The following PPM1H variants were observed in gnomAD, a reference collection of about 807,000 sequenced individuals.
PPM1H encodes the protein protein phosphatase 1H.
In PPM1H, 27 loss-of-function variants were observed where a neutral mutation model predicts 54.9. The observed-to-expected ratio is 0.49, with a 90% CI of 0.36 to 0.68. The LOEUF (loss-of-function observed/expected upper bound fraction) is 0.68. Among genes scored for constraint, PPM1H ranks in the 30% least tolerant of loss-of-function variants. PPM1H has a pLI of 0.00. For synonymous variants in PPM1H, 305 were observed against 270.8 expected (o/e 1.13, Z -1.24); for missense variants, 596 against 667.8 (o/e 0.89, Z 1.19).
chr12:62,853,665 T>A (rs892060956), intron 1 of PPM1H, among the ~76,000 whole-genome samples: 14 of 152,254 alleles, frequency 9.2e-5, no homozygotes, highest in African/African-American at 3.4e-4. Flanking sequence ...GTAGGGAAAC[T>A]AGAGCTGGTT....
chr12:62,659,269 C>CAAAAAAA lies in PPM1H; in HGVS notation c.1397+7902_1397+7908dup, dbSNP rs11349692. The CAAAAAAA allele has an allele frequency of 7.3e-3, 665 of 91,522 alleles. 14 individuals are homozygous for CAAAAAAA. The highest frequency in any genetic ancestry group is 0.011 in the Non-Finnish European group (511 of 48,298). 5.7% of individuals were successfully genotyped at this position (91,522 alleles called of 1,614,324 possible). ...GTGTTCTAAAAAACCGTAAAAACTG[C>CAAAAAAA]AAAAAAAAAAAAAAAAAAAAAAGAG... On this transcript the variant is annotated intron_variant, in intron 9 of 9. Transcript: ENST00000228705.
At chr12:62,669,363 A>G (rs1313296102) in intron 8 of PPM1H, among the ~76,000 whole-genome samples, 2 of 152,216 alleles carry the variant, frequency 1.3e-5, no homozygotes, top group Non-Finnish European at 2.9e-5. Context: ...TGTGCACAGA[A>G]GTCAGCTAGG....
At chr12:62,739,329 C>T (rs2076368860) in intron 4 of PPM1H, among the ~76,000 whole-genome samples, 1 of 152,040 alleles carries the variant, frequency 6.6e-6, no homozygotes, top group Non-Finnish European at 1.5e-5. Flanking sequence ...GTTCTAATTA[C>T]CAGGTGAGTA....
intron 6 of PPM1H, among the ~76,000 whole-genome samples, chr12:62,719,106 G>A (rs2076250561): frequency 6.6e-6 from 1 of 152,176 alleles, no homozygotes; most frequent in Admixed American, 6.5e-5. Flanking sequence ...GGATACAGGT[G>A]AGAAACTTCT....
At chr12:62,752,333 T>C (rs2076446859) in intron 4 of PPM1H, among the ~76,000 whole-genome samples, 1 of 152,224 alleles carries the variant, frequency 6.6e-6, no homozygotes, top group Admixed American at 6.5e-5. Flanking sequence ...TGTCTACAAA[T>C]GGGATCTTAA....
rs1162966258 is a variant in PPM1H at position 62,804,666 on chromosome 12, C to CTTTTTT, written c.412-2512_412-2507dup. 1.4e-4 allele frequency among the ~76,000 whole-genome samples: 19 copies of CTTTTTT among 134,306 alleles called. 2 individuals carry two copies. Among genetic ancestry groups the CTTTTTT allele is most frequent in the African/African-American group, 5.0e-4 (17 of 34,086 alleles). The allele number at this position is 134,306 out of a possible 152,430, so 88.1% of individuals were successfully genotyped here. Reference sequence around the variant, plus strand: ...TTTAATGCTTCATTTTGGTTAATTTCTTTTTTTTTCTTTTTTTTTTTTTTT... The same window carrying CTTTTTT: ...TTTAATGCTTCATTTTGGTTAATTTCTTTTTTTTTTTTTTTCTTTTTTTTTTTTTTT... On this transcript the variant is annotated intron_variant, in intron 2 of 9. Transcript: ENST00000228705.
At chr12:62,659,335 C>A in intron 9 of PPM1H, 1 of 450,070 alleles carries the variant, frequency 2.2e-6, no homozygotes, top group East Asian at 4.4e-5. Flanking sequence ...TCCATAAAGC[C>A]GCCTTTTAAT....
rs1225528794 is a variant in PPM1H, at chr12:62,716,939, G to T, written c.1073+3232C>A. Among the ~76,000 whole-genome samples, 3 of 151,986 alleles carry T rather than the reference G, an allele frequency of 2.0e-5. No homozygotes were observed. In the East Asian group the frequency reaches 5.8e-4, roughly 29 times the overall value. On this transcript the variant is annotated intron_variant, in intron 6 of 9. Coordinates refer to ENST00000228705, the MANE Select transcript of PPM1H (RefSeq NM_020700.2). ...AAGTTGGGGGGAGTGCTTTACGTAGGCAGTAGTCTAAATTGAATGGATGAT... is the reference window on the plus strand; with the variant it reads ...AAGTTGGGGGGAGTGCTTTACGTAGTCAGTAGTCTAAATTGAATGGATGAT...
At chr12:62,741,767 T>C (rs2076382175) in intron 4 of PPM1H, among the ~76,000 whole-genome samples, 1 of 152,180 alleles carries the variant, frequency 6.6e-6, no homozygotes, top group Admixed American at 6.5e-5. Context: ...GAATCTCCAG[T>C]GCTCAGTGCC....
chr12:62,674,643 T>C (rs1474631416), intron 8 of PPM1H, among the ~76,000 whole-genome samples: 2 of 152,222 alleles, frequency 1.3e-5, no homozygotes. Context: ...ACCTCTGCAT[T>C]AGGCAAAATC....
rs34587900 is a variant in PPM1H at position 62,878,626 on chromosome 12, T to TAAAA, written c.246-46351_246-46348dup. 4.2e-3 allele frequency among the ~76,000 whole-genome samples: 342 copies of TAAAA among 81,570 alleles called. 55 individuals carry two copies. The highest frequency in any genetic ancestry group is 0.01 in the African/African-American group (199 of 19,738). 53.5% of individuals were successfully genotyped at this position (81,570 alleles called of 152,430 possible). The stretch of plus-strand genomic sequence containing the variant: ...TTTTGTTTGAAACAATGATTACGCT[T>TAAAA]AAAAAAAAAAAAAAAAAAAAAAAAA... On this transcript the variant is annotated intron_variant, in intron 1 of 9. Transcript: ENST00000228705.
chr12:62,886,068 T>C (rs565701211), intron 1 of PPM1H, among the ~76,000 whole-genome samples: 1 of 152,364 alleles, frequency 6.6e-6, no homozygotes, highest in South Asian at 2.1e-4. Flanking sequence ...GAAAGGCTAC[T>C]ATACATCTAC....
chr12:62,764,601 G>GT lies in PPM1H; in HGVS notation c.869+23624dup, dbSNP rs148142570. The stretch of plus-strand genomic sequence containing the variant: ...AAGACCTTTCTTCCTCTCCCATTTT[G>GT]TTTTTTTTTTCTTTCAGCGTTTACT... On this transcript the variant is annotated intron_variant, in intron 4 of 9. Transcript: ENST00000228705. 4.4e-3 allele frequency among the ~76,000 whole-genome samples: 651 copies of GT among 149,158 alleles called. 3 individuals carry two copies. The highest frequency in any genetic ancestry group is 0.017 in the Middle Eastern group (5 of 290).
chr12:62,685,850 T>C (rs1362533923), intron 8 of PPM1H, among the ~76,000 whole-genome samples: 1 of 152,220 alleles, frequency 6.6e-6, no homozygotes, highest in African/African-American at 2.4e-5. Context: ...AATGTAAACA[T>C]ATATCAAAAC....
intron 1 of PPM1H, among the ~76,000 whole-genome samples, chr12:62,858,100 C>T (rs972003961): frequency 6.6e-6 from 1 of 151,932 alleles, no homozygotes; most frequent in African/African-American, 2.4e-5. Context: ...CACCACGCCC[C>T]CTACCACTCC....
intron 2 of PPM1H, among the ~76,000 whole-genome samples, chr12:62,812,174 C>T (rs1022134283): frequency 1.1e-4 from 17 of 152,136 alleles, no homozygotes; most frequent in African/African-American, 4.1e-4. Flanking sequence ...TTGTTTATTG[C>T]TTACTAGTAA....
intron 5 of PPM1H, among the ~76,000 whole-genome samples, chr12:62,732,696 C>T (rs1028440834): frequency 1.3e-5 from 2 of 151,510 alleles, no homozygotes; most frequent in Non-Finnish European, 2.9e-5. Flanking sequence ...CTCAGCCTCC[C>T]GAGTAGCTGG....
chr12:62,648,427 C>A lies in PPM1H; in HGVS notation c.*62G>T. ...ACTCAGCTGGGGCACTTCCCAGTTC[C>A]GTCCTGCCAAGAGGCATCCCAGCTT... On this transcript the variant is annotated 3_prime_UTR_variant, in exon 10 of 10. Coordinates refer to ENST00000228705, the MANE Select transcript of PPM1H (RefSeq NM_020700.2). The A allele has an allele frequency of 6.3e-7, 1 of 1,585,628 alleles. No homozygotes were observed. Among genetic ancestry groups the A allele is most frequent in the Non-Finnish European group, 8.6e-7 (1 of 1,161,144 alleles).
At chr12:62,827,570 T>C (rs1693244419) in intron 2 of PPM1H, among the ~76,000 whole-genome samples, 1 of 152,180 alleles carries the variant, frequency 6.6e-6, no homozygotes, top group African/African-American at 2.4e-5. Context: ...ATGATGACCC[T>C]TGTGATGCCT....
Sources: gnomAD v4.1 joint callset for allele counts (sites outside exome capture counted in the v4.1 genomes callset) on GRCh38, gnomAD v4.1.1 for gene constraint, MANE v1.5 for transcripts, NCBI Gene and HGNC (gene_info 2026-07-23, HGNC 2026-07-21) for gene names.